SLC27A6: variants seen among roughly 807,000 people sequenced by gnomAD.
SLC27A6 encodes long-chain fatty acid transport protein 6.
In SLC27A6, 74 loss-of-function variants were observed where a neutral mutation model predicts 63.9. The ratio of observed to expected loss-of-function variants is 1.16; its 90% CI spans 0.96 to 1.40. The LOEUF (loss-of-function observed/expected upper bound fraction) is 1.40. SLC27A6 is among the 40% of genes most tolerant of loss of function. The pLI, the probability that SLC27A6 is intolerant of heterozygous loss-of-function variation, is 0.00. For missense variants in SLC27A6, 794 were observed against 732.9 expected (o/e 1.08, Z -0.96); for synonymous variants, 287 against 260.8 (o/e 1.10, Z -0.97).
intron 4 of SLC27A6, among the ~76,000 whole-genome samples, chr5:129,009,923 C>T (rs552467541): frequency 2.0e-5 from 3 of 152,278 alleles, no homozygotes; most frequent in Admixed American, 6.5e-5. Flanking sequence ...GCAATCCACC[C>T]GCCTCAGCCT....
chr5:128,997,760 C>G (rs112756085), intron 4 of SLC27A6, among the ~76,000 whole-genome samples: 50 of 152,236 alleles, frequency 3.3e-4, no homozygotes, highest in African/African-American at 1.2e-3. Flanking sequence ...ATGTAGGAAA[C>G]CATCTGATAG....
chr5:129,006,221 GGCGCCAGCCGCC>G (rs534110015), intron 4 of SLC27A6, among the ~76,000 whole-genome samples: 1 of 151,598 alleles, frequency 6.6e-6, no homozygotes, highest in South Asian at 2.1e-4. Context: ...TGGCACTACA[GGCGCCAGCCGCC>G]GCGCCAGCTG....
At chr5:128,989,577 C>T (rs886187280) in intron 3 of SLC27A6, among the ~76,000 whole-genome samples, 2 of 152,130 alleles carry the variant, frequency 1.3e-5, no homozygotes, top group Non-Finnish European at 2.9e-5. Flanking sequence ...CATTTAAGAA[C>T]TTTTTTGTTA....
At chr5:129,017,997 A>T (rs1751961644) in intron 5 of SLC27A6, among the ~76,000 whole-genome samples, 1 of 152,154 alleles carries the variant, frequency 6.6e-6, no homozygotes, top group Non-Finnish European at 1.5e-5. Context: ...ATAGTGCAAG[A>T]ACGAAAGTAC....
At position 129,015,918 on chromosome 5, in the gene SLC27A6, G is replaced by A. The variant is rs1479685497; in HGVS notation, c.1003G>A (p.Ala335Thr). 1.3e-6 allele frequency: 2 copies of A among 1,598,664 alleles called. No individual in the cohort carries two copies. Among genetic ancestry groups the A allele is most frequent in the South Asian group, 2.3e-5 (2 of 87,936 alleles). Reference protein sequence around the residue: ...EGEKDHKVRLAIGNGIRSDVW... With the variant: ...EGEKDHKVRLTIGNGIRSDVW... ...AGAAAAGGATCATAAGGTGCGTTTG[G>A]CAATTGGAAATGGCATACGGAGTGA... The change falls in exon 5 of 10, where the codon GCA becomes ACA. Residue 335 changes from alanine to threonine, a missense_variant. Coordinates refer to ENST00000262462, the MANE Select transcript of SLC27A6 (RefSeq NM_001017372.3).
At chr5:128,975,109 G>C (rs909838484) in intron 1 of SLC27A6, among the ~76,000 whole-genome samples, 6 of 152,190 alleles carry the variant, frequency 3.9e-5, no homozygotes, top group African/African-American at 1.2e-4. Context: ...CCAGCACTTT[G>C]GGAGGCTGAG....
At chr5:129,023,569 GCA>G (rs777950343) in intron 5 of SLC27A6, 49 bp from the exon 6 acceptor site, 1 of 1,315,350 alleles carries the variant, frequency 7.6e-7, no homozygotes, top group Non-Finnish European at 1.1e-6. Context: ...GTAACTAAAT[GCA>G]CAAGTAACTA....
intron 4 of SLC27A6, among the ~76,000 whole-genome samples, chr5:129,006,926 A>T (rs948627763): frequency 8.6e-5 from 13 of 152,012 alleles, no homozygotes; most frequent in East Asian, 1.9e-4. Context: ...AGTTGAATAG[A>T]TTTAAAATTA....
At position 129,023,668 on chromosome 5, in the gene SLC27A6, C is replaced by A; in HGVS notation, c.1213C>A (p.Pro405Thr). ...AAAGTATGACTTTCAGAAAGATGAA[C>A]CCATGAGAAATGAGCAGGGTTGGTG... ...LIKYDFQKDE[P>T]MRNEQGWCIH... Residue 405 changes from proline (P) to threonine (T), a missense_variant, in exon 6 of 10, where the codon CCC becomes ACC. By Grantham distance (38) the Pro-to-Thr change is conservative. Coordinates refer to ENST00000262462, the MANE Select transcript of SLC27A6 (RefSeq NM_001017372.3). 6.2e-7 allele frequency: 1 copy of A among 1,609,418 alleles called. No individual in the cohort carries two copies. The highest frequency in any genetic ancestry group is 8.5e-7 in the Non-Finnish European group (1 of 1,178,188).
At chr5:128,971,203 G>A (rs1212478852) in intron 1 of SLC27A6, among the ~76,000 whole-genome samples, 1 of 152,172 alleles carries the variant, frequency 6.6e-6, no homozygotes, top group Non-Finnish European at 1.5e-5. Context: ...TGGAATAAGT[G>A]TGATGTGGTG....
chr5:129,020,333 A>C (rs1450911916), intron 5 of SLC27A6, among the ~76,000 whole-genome samples: 1 of 152,182 alleles, frequency 6.6e-6, no homozygotes, highest in East Asian at 1.9e-4. Context: ...ACTTGAAGAT[A>C]AACCATAACT....
chr5:128,997,340 ATC>A (rs1307892837), intron 4 of SLC27A6, among the ~76,000 whole-genome samples: 1 of 152,174 alleles, frequency 6.6e-6, no homozygotes, highest in Admixed American at 6.5e-5. Context: ...TGAGAAAGTA[ATC>A]TCTCTTTCAA....
chr5:128,983,955 G>T (rs1750701298), intron 1 of SLC27A6, among the ~76,000 whole-genome samples: 1 of 152,088 alleles, frequency 6.6e-6, no homozygotes, highest in South Asian at 2.1e-4. Flanking sequence ...AAAGGCCAGT[G>T]GGGTACTATT....
At chr5:128,989,308 A>G (rs908062072) in intron 3 of SLC27A6, among the ~76,000 whole-genome samples, 1 of 143,312 alleles carries the variant, frequency 7.0e-6, no homozygotes, top group East Asian at 1.9e-4. Flanking sequence ...TGCCATAGAC[A>G]CTCAATAAAT....
intron 4 of SLC27A6, among the ~76,000 whole-genome samples, chr5:129,014,447 AG>A (rs1219754070): frequency 1.3e-5 from 2 of 152,184 alleles, no homozygotes; most frequent in African/African-American, 4.8e-5. Context: ...AGTTATGGTT[AG>A]GTCTTTGTGC....
At chr5:128,968,676 T>C (rs1031490762) in intron 1 of SLC27A6, among the ~76,000 whole-genome samples, 3 of 152,254 alleles carry the variant, frequency 2.0e-5, no homozygotes, top group African/African-American at 7.2e-5. Context: ...ATTTGTCAGA[T>C]GGGTAGATTG....
chr5:128,982,649 G>A (rs577166344), intron 1 of SLC27A6, among the ~76,000 whole-genome samples: 1 of 152,238 alleles, frequency 6.6e-6, no homozygotes, highest in East Asian at 1.9e-4. Context: ...AACAAAATCT[G>A]GAACAAACAT....
At chr5:129,007,733 C>T (rs1159881829) in intron 4 of SLC27A6, among the ~76,000 whole-genome samples, 3 of 151,932 alleles carry the variant, frequency 2.0e-5, no homozygotes, top group Non-Finnish European at 4.4e-5. Flanking sequence ...GTAACATATC[C>T]ATAAAAATAT....
intron 4 of SLC27A6, among the ~76,000 whole-genome samples, chr5:128,995,545 A>G (rs1327049702): frequency 6.6e-6 from 1 of 152,184 alleles, no homozygotes; most frequent in Non-Finnish European, 1.5e-5. Context: ...GGAGTAGGAC[A>G]TTGCTAATTA....
Sources: allele counts gnomAD v4.1 joint callset (sites outside exome capture counted in the v4.1 genomes callset), GRCh38; gene constraint gnomAD v4.1.1; transcripts MANE v1.5; gene names NCBI Gene and HGNC (gene_info 2026-07-23, HGNC 2026-07-21).